The following THBS2 variants were observed in gnomAD, a reference collection of about 807,000 sequenced individuals.
THBS2 encodes the protein thrombospondin-2.
Under a neutral mutation model 135.2 loss-of-function variants are expected in THBS2, and 47 were observed. The ratio of observed to expected loss-of-function variants is 0.35; its 90% confidence interval spans 0.28 to 0.44. THBS2 has a LOEUF of 0.44. Among genes scored for constraint, THBS2 ranks in the 20% least tolerant of loss-of-function variants. The pLI, the probability that THBS2 is intolerant of heterozygous loss-of-function variation, is 1.00. For missense variants in THBS2, 1,288 were observed against 1,603.1 expected, an observed-to-expected ratio of 0.80 and a Z score of 3.36; for synonymous variants, 639 against 633.8, an observed-to-expected ratio of 1.01 and a Z score of -0.12.
chr6:169,234,990 G>C (rs756003178), intron 9 of THBS2, 83 bp from the exon 10 acceptor site: 83 of 1,363,542 alleles, frequency 6.1e-5, no homozygotes, highest in Non-Finnish European at 8.3e-5. Flanking sequence ...GGGAAGAGCA[G>C]GTGGGACATG....
intron 16 of THBS2, 34 bp from the exon 17 acceptor site, chr6:169,225,413 A>G (rs1207337979): frequency 6.5e-7 from 1 of 1,544,692 alleles, no homozygotes; most frequent in Non-Finnish European, 8.8e-7. Flanking sequence ...ACAGCAGAGG[A>G]CTGCCAGTTT....
chr6:169,242,319 T>C (rs531768030), intron 4 of THBS2, among the ~76,000 whole-genome samples: 5 of 152,202 alleles, frequency 3.3e-5, no homozygotes, highest in South Asian at 2.1e-4. Context: ...TGGCCACGCA[T>C]GTCACTCAGA....
intron 13 of THBS2, among the ~76,000 whole-genome samples, chr6:169,231,436 C>A (rs1165016195): frequency 6.6e-6 from 1 of 152,204 alleles, no homozygotes; most frequent in Admixed American, 6.5e-5. Context: ...TGTGAGATAA[C>A]AGATTCCTGT....
In THBS2 at chr6:169,220,348, T is replaced by G; in HGVS notation, c.3372-11A>C. On this transcript the variant is annotated splice_polypyrimidine_tract_variant and intron_variant, in intron 20 of 21. Coordinates refer to ENST00000617924, the MANE Select transcript of THBS2 (RefSeq NM_003247.5). ...TCATGCACTAAGACTCTAAAAATGG[T>G]GTTTAAAAAGAAGAAGAGGAAAGAA... 1.3e-6 allele frequency: 2 copies of G among 1,591,090 alleles called. No homozygotes were observed.
Position 169,239,648 on chromosome 6 carries a change from G to A in THBS2, c.1080C>T (p.Cys360=), listed in dbSNP as rs762658170. 7.5e-6 allele frequency: 12 copies of A among 1,606,412 alleles called. No individual in the cohort carries two copies. The highest frequency in any genetic ancestry group is 1.6e-4 in the Middle Eastern group (1 of 6,074). The part of the protein sequence containing the change: ...CHQITCPPAT[C]ASPSFVEGEC... ...CGCCTTCCACAAAGGATGGACTGGC[G>A]CAGGTTGCAGGCGGGCAGGTGATTT... Residue 360 remains cysteine, a synonymous_variant, in exon 7 of 22, where the codon TGC becomes TGT. Transcript: ENST00000617924.
At chr6:169,247,595 G>A (rs1780595408) in intron 3 of THBS2, among the ~76,000 whole-genome samples, 1 of 152,050 alleles carries the variant, frequency 6.6e-6, no homozygotes, top group East Asian at 1.9e-4. Flanking sequence ...GACTGTGTAT[G>A]GTACTTTTGT....
intron 10 of THBS2, among the ~76,000 whole-genome samples, chr6:169,233,925 C>A (rs1203549193): frequency 1.3e-5 from 2 of 150,808 alleles, no homozygotes; most frequent in Admixed American, 6.6e-5. Context: ...GTACCATGTT[C>A]CAGACCATAC....
intron 15 of THBS2, among the ~76,000 whole-genome samples, chr6:169,227,874 G>T (rs944448754): frequency 3.3e-5 from 5 of 152,130 alleles, no homozygotes; most frequent in African/African-American, 1.2e-4. Flanking sequence ...TTGAGGTCAG[G>T]AGCTTGAGAC....
chr6:169,221,558 A>G (rs371953177), intron 19 of THBS2, 31 bp from the exon 20 acceptor site: 5 of 1,605,890 alleles, frequency 3.1e-6, no homozygotes, highest in African/African-American at 1.3e-5. Flanking sequence ...CTTGAGTGCC[A>G]TGGGCACCCG....
Position 169,244,114 on chromosome 6 carries a change from ATCCATACTTAT to A in THBS2, c.694+2072_694+2082del, listed in dbSNP as rs566499139. Among the ~76,000 whole-genome samples the A allele has an allele frequency of 2.9e-3, 437 of 151,062 alleles. 3 individuals carry two copies. The highest frequency in any genetic ancestry group is 4.4e-3 in the Non-Finnish European group (297 of 67,922). On this transcript the variant is annotated intron_variant, in intron 4 of 21. Transcript: ENST00000617924. ...TGGTCCGGTAGATATATGTATATAG[ATCCATACTTAT>A]TCTACACATCTGGAGATAACAGATC...
chr6:169,223,139 A>G, intron 18 of THBS2, 109 bp downstream of exon 18: 2 of 1,041,978 alleles, frequency 1.9e-6, no homozygotes, highest in Non-Finnish European at 2.8e-6. Context: ...GGGCTTCCAG[A>G]AAGACCACAT....
At chr6:169,227,023 C>T (rs1489528391) in intron 15 of THBS2, among the ~76,000 whole-genome samples, 2 of 152,128 alleles carry the variant, frequency 1.3e-5, no homozygotes, top group East Asian at 1.9e-4. Context: ...GGATGGGGAG[C>T]CGAGGAGCCC....
Position 169,241,261 on chromosome 6 carries a change from G to A in THBS2, c.891+501C>T, listed in dbSNP as rs527242188. Among the ~76,000 whole-genome samples, 10 of 152,224 alleles carry A rather than the reference G, an allele frequency of 6.6e-5. No individual in the cohort carries two copies. The highest frequency in any genetic ancestry group is 1.2e-4 in the Non-Finnish European group (8 of 67,998). On this transcript the variant is annotated intron_variant, in intron 5 of 21. Transcript: ENST00000617924. The surrounding 1 kb of genome is among the most constrained non-coding windows in gnomAD (Gnocchi z 5.5). ...CTGCGAGCTGCCCGTCCTGAGCCCC[G>A]CAGGCATCGCTCTCTCTTCCTGGCC...
intron 14 of THBS2, among the ~76,000 whole-genome samples, chr6:169,228,719 T>C (rs1364934931): frequency 1.3e-5 from 2 of 151,878 alleles, no homozygotes; most frequent in East Asian, 3.9e-4. Context: ...AGGTCAGGAG[T>C]TCGAGACCAG....
chr6:169,233,127 G>T, intron 10 of THBS2, 110 bp from the exon 11 acceptor site: 1 of 1,387,154 alleles, frequency 7.2e-7, no homozygotes, highest in Non-Finnish European at 9.5e-7. Flanking sequence ...ATCGAATTGT[G>T]TAGTCAGGAA....
At chr6:169,247,737 T>C (rs1244585808) in intron 3 of THBS2, among the ~76,000 whole-genome samples, 1 of 149,046 alleles carries the variant, frequency 6.7e-6, no homozygotes, top group Non-Finnish European at 1.5e-5. Context: ...TGTGCATGCA[T>C]GAGTGTGTTC....
Position 169,241,239 on chromosome 6 carries a change from C to T in THBS2, c.891+523G>A, listed in dbSNP as rs374353011. ...ATGTTCAGTCCCTTTCTCTAAACTG[C>T]GAGCTGCCCGTCCTGAGCCCCGCAG... On this transcript the variant is annotated intron_variant, in intron 5 of 21. Coordinates refer to ENST00000617924, the MANE Select transcript of THBS2 (RefSeq NM_003247.5). The surrounding 1 kb of genome is among the most constrained non-coding windows in gnomAD (Gnocchi z 5.5). 2.6e-5 allele frequency among the ~76,000 whole-genome samples: 4 copies of T among 152,142 alleles called. No individual in the cohort carries two copies. The highest frequency in any genetic ancestry group is 5.9e-5 in the Non-Finnish European group (4 of 68,012).
intron 3 of THBS2, among the ~76,000 whole-genome samples, chr6:169,248,191 T>G (rs1243687095): frequency 1.3e-5 from 2 of 151,416 alleles, no homozygotes; most frequent in East Asian, 3.9e-4. Context: ...GTGTGTGTGG[T>G]GTGTGTGCAT....
In THBS2 at chr6:169,225,114, C is replaced by T. The variant is rs564554530; in HGVS notation, c.2773+31G>A. ...GGCGGGTTGCTCAGAAGCCATTTTC[C>T]TCCACGCCCATGAGCTGAGAGAGCA... On this transcript the variant is annotated intron_variant, in intron 17 of 21. Coordinates refer to ENST00000617924, the MANE Select transcript of THBS2 (RefSeq NM_003247.5). 4 of 1,607,684 alleles carry T rather than the reference C, an allele frequency of 2.5e-6. No individual in the cohort carries two copies. In the South Asian group the frequency reaches 3.3e-5, roughly 13 times the overall value.
Sources: gnomAD v4.1 joint callset for allele counts (sites outside exome capture counted in the v4.1 genomes callset) on GRCh38, gnomAD v4.1.1 for gene constraint, Gnocchi (gnomAD v3.1) non-coding constraint, MANE v1.5 for transcripts, NCBI Gene and HGNC (gene_info 2026-07-23, HGNC 2026-07-21) for gene names.